ANO2: variants seen among roughly 807,000 people sequenced by gnomAD.
ANO2 encodes anoctamin 2.
A neutral mutation model predicts 124.2 loss-of-function variants in ANO2; 101 were observed. The ratio of observed to expected loss-of-function variants is 0.81; its 90% CI spans 0.69 to 0.96. The LOEUF is 0.96. ANO2 is among the 40% of genes least tolerant of loss of function. The pLI is 0.00. For synonymous variants in ANO2, 486 were observed against 482.5 expected, an observed-to-expected ratio of 1.01 and a Z score of -0.09; for missense variants, 1,293 against 1,274.5, an observed-to-expected ratio of 1.01 and a Z score of -0.22.
At chr12:5,848,829 T>C (rs1483499990) in intron 4 of ANO2, among the ~76,000 whole-genome samples, 1 of 151,930 alleles carries the variant, frequency 6.6e-6, no homozygotes, top group African/African-American at 2.4e-5. Flanking sequence ...GAGAAGAGAG[T>C]CAAAGAGCAG....
intron 14 of ANO2, among the ~76,000 whole-genome samples, chr12:5,669,624 G>A (rs1241181877): frequency 6.6e-6 from 1 of 152,188 alleles, no homozygotes; most frequent in Non-Finnish European, 1.5e-5. Flanking sequence ...GGTTTTCAAG[G>A]GGAATGCTTC....
chr12:5,565,554 T>C lies in ANO2; in HGVS notation c.2727+4A>G, dbSNP rs1941696100. The C allele has an allele frequency of 6.3e-7, 1 of 1,589,900 alleles. No homozygotes were observed. Among genetic ancestry groups the C allele is most frequent in the Non-Finnish European group, 8.6e-7 (1 of 1,166,796 alleles). On this transcript the variant is annotated splice_donor_region_variant and intron_variant, in intron 24 of 24. Transcript: ENST00000682330. Reference sequence around the variant, plus strand: ...ATGGGCTATTCCCTATCCCAGCAACTCACCTGGAAGATTATGACAAAAGCC... The same window carrying C: ...ATGGGCTATTCCCTATCCCAGCAACCCACCTGGAAGATTATGACAAAAGCC...
intron 7 of ANO2, among the ~76,000 whole-genome samples, chr12:5,827,377 A>G (rs1485469483): frequency 6.6e-6 from 1 of 152,194 alleles, no homozygotes; most frequent in Non-Finnish European, 1.5e-5. Flanking sequence ...CTCTTCTTAC[A>G]TAATATGAGA....
At chr12:5,840,376 G>A (rs1053287873) in intron 4 of ANO2, among the ~76,000 whole-genome samples, 1 of 151,940 alleles carries the variant, frequency 6.6e-6, no homozygotes, top group Non-Finnish European at 1.5e-5. Context: ...CTCTGCAGAG[G>A]GGCACAGCAG....
chr12:5,740,454 T>C lies in ANO2; in HGVS notation c.1352-1055A>G, dbSNP rs1398657800. ...AAAAGCACCAGTCCCAACTAAGGTA[T>C]CTGCAATGTACAAAACACCATTCTA... On this transcript the variant is annotated intron_variant, in intron 12 of 24. Transcript: ENST00000682330. 3.6e-5 allele frequency: 6 copies of C among 165,124 alleles called. No homozygotes were observed. In the East Asian group the frequency reaches 5.1e-4, roughly 14 times the overall value. 10.2% of individuals were successfully genotyped at this position (165,124 alleles called of 1,614,324 possible).
At chr12:5,918,393 A>AC (rs1941498354) in intron 3 of ANO2, among the ~76,000 whole-genome samples, 2 of 150,348 alleles carry the variant, frequency 1.3e-5, no homozygotes, top group South Asian at 4.2e-4. Context: ...AGGATGAATG[A>AC]CCTCTGGGGA....
intron 14 of ANO2, among the ~76,000 whole-genome samples, chr12:5,725,586 G>T (rs1349572978): frequency 6.6e-6 from 1 of 152,132 alleles, no homozygotes; most frequent in Non-Finnish European, 1.5e-5. Context: ...ATGGGAGCCT[G>T]GGGGGCAGAA....
chr12:5,605,291 C>T (rs1944163575), intron 19 of ANO2, among the ~76,000 whole-genome samples: 2 of 152,198 alleles, frequency 1.3e-5, no homozygotes, highest in Admixed American at 1.3e-4. Flanking sequence ...ACACAGACCT[C>T]CCTCCCGTGT....
chr12:5,921,743 C>T (rs530455688), intron 2 of ANO2, among the ~76,000 whole-genome samples: 3 of 152,108 alleles, frequency 2.0e-5, no homozygotes, highest in South Asian at 2.1e-4. Flanking sequence ...CAGATGCACA[C>T]GCAGCCACCT....
chr12:5,685,098 C>T (rs1948650580), intron 14 of ANO2, among the ~76,000 whole-genome samples: 2 of 152,140 alleles, frequency 1.3e-5, no homozygotes, highest in Non-Finnish European at 2.9e-5. Flanking sequence ...CAGCAACATC[C>T]TATGCCCACC....
In ANO2 at chr12:5,578,366, C is replaced by T. The variant is rs774552828; in HGVS notation, c.2386G>A (p.Gly796Arg). Residue 796 changes from glycine to arginine, a missense_variant and splice_region_variant, in exon 21 of 25, where the codon GGA (glycine) becomes AGA (arginine). Transcript: ENST00000682330. ...TGGGGCCTCTAAGTGGGGCACGTAC[C>T]GATATCTTTGGTTCTTACAGCATCC... Reference protein sequence around the residue: ...RPDAVRTKDIGIWFDILSGIG... With the variant: ...RPDAVRTKDIRIWFDILSGIG... 2.0e-5 allele frequency: 33 copies of T among 1,613,298 alleles called. No individual in the cohort carries two copies. The highest frequency in any genetic ancestry group is 6.7e-5 in the East Asian group (3 of 44,874).
intron 1 of ANO2, 55 bp downstream of exon 1, chr12:5,945,141 C>G: frequency 7.8e-7 from 1 of 1,278,920 alleles, no homozygotes; most frequent in Non-Finnish European, 1.0e-6. Context: ...CTCCTTCACT[C>G]CCTCCCTCCT....
chr12:5,722,841 C>A (rs1316111799), intron 14 of ANO2, among the ~76,000 whole-genome samples: 2 of 152,180 alleles, frequency 1.3e-5, no homozygotes, highest in Non-Finnish European at 2.9e-5. Context: ...AAACTGCTAG[C>A]TCCGGCTGCT....
At chr12:5,714,634 TC>T (rs1300047263) in intron 14 of ANO2, among the ~76,000 whole-genome samples, 1 of 152,202 alleles carries the variant, frequency 6.6e-6, no homozygotes, top group East Asian at 1.9e-4. Flanking sequence ...CTCCTCTTTC[TC>T]CTCCTATTCT....
In ANO2 at chr12:5,636,548, C is replaced by T. The variant is rs902037207; in HGVS notation, c.1621-1201G>A. ...TGGCTATGAAGGACTAAATAGAAAA[C>T]GTAGGGAGAGAAAACAGCAGGTGGA... On this transcript the variant is annotated intron_variant, in intron 15 of 24. Coordinates refer to ENST00000682330, the MANE Select transcript of ANO2 (RefSeq NM_001364791.2). The surrounding 1 kb of genome is among the most constrained non-coding windows in gnomAD (Gnocchi z 4.6). Among the ~76,000 whole-genome samples the T allele has an allele frequency of 3.4e-5, 5 of 148,094 alleles. No individual in the cohort carries two copies. Among genetic ancestry groups the T allele is most frequent in the Non-Finnish European group, 6.0e-5 (4 of 67,220 alleles).
intron 3 of ANO2, among the ~76,000 whole-genome samples, chr12:5,889,720 T>C (rs1939252792): frequency 6.6e-6 from 1 of 152,244 alleles, no homozygotes; most frequent in Non-Finnish European, 1.5e-5. Flanking sequence ...AATGCCAAAG[T>C]AGGGCTCTCA....
intron 2 of ANO2, among the ~76,000 whole-genome samples, chr12:5,922,376 A>G (rs1941747289): frequency 1.3e-5 from 2 of 152,106 alleles, no homozygotes; most frequent in Non-Finnish European, 2.9e-5. Context: ...CTGCAGACCA[A>G]CTGGCAGCAT....
intron 3 of ANO2, among the ~76,000 whole-genome samples, chr12:5,871,807 C>T (rs1228873598): frequency 6.6e-6 from 1 of 152,220 alleles, no homozygotes; most frequent in East Asian, 1.9e-4. Context: ...GCTGTTTTTG[C>T]TTATGTCAGA....
At chr12:5,933,503 T>C (rs12371081) in intron 1 of ANO2, among the ~76,000 whole-genome samples, 11,969 of 152,028 alleles carry the variant, frequency 0.079, 592 homozygotes, top group Middle Eastern at 0.13. Context: ...AATGGATGGG[T>C]GGGTGGGTGG....
Sources: gnomAD v4.1 joint callset for allele counts (sites outside exome capture counted in the v4.1 genomes callset) on GRCh38, gnomAD v4.1.1 for gene constraint, Gnocchi (gnomAD v3.1) non-coding constraint, MANE v1.5 for transcripts, NCBI Gene and HGNC (gene_info 2026-07-23, HGNC 2026-07-21) for gene names.